Variants in WWP2 observed in about 807,000 individuals in gnomAD.
The protein encoded by WWP2 is NEDD4-like E3 ubiquitin-protein ligase WWP2.
Under a neutral mutation model 121.0 loss-of-function variants are expected in WWP2, and 57 were observed. The observed-to-expected ratio is 0.47, with a 90% CI of 0.38 to 0.59. The LOEUF (loss-of-function observed/expected upper bound fraction) is 0.59, where lower values mean the gene tolerates loss of function less well. Ranked by LOEUF, WWP2 falls within the 20% of genes least tolerant of loss-of-function variation. The pLI is 0.00. For synonymous variants in WWP2, 449 were observed against 441.3 expected (o/e 1.02, Z -0.22); for missense variants, 962 against 1,158.9 (o/e 0.83, Z 2.47).
At chr16:69,786,885 A>G (rs1597664457) in intron 1 of WWP2, 111 bp from the exon 2 acceptor site, 2 of 893,900 alleles carry the variant, frequency 2.2e-6, no homozygotes, top group East Asian at 2.5e-5. Flanking sequence ...AGTTGCTTGG[A>G]CGTTTCTATT....
chr16:69,865,526 A>T (rs2057505583), intron 6 of WWP2, among the ~76,000 whole-genome samples: 1 of 152,204 alleles, frequency 6.6e-6, no homozygotes, highest in Non-Finnish European at 1.5e-5. Flanking sequence ...GGGTACCATA[A>T]CCTGCAGGCA....
At chr16:69,802,556 A>G (rs1169160033) in intron 4 of WWP2, among the ~76,000 whole-genome samples, 1 of 150,924 alleles carries the variant, frequency 6.6e-6, no homozygotes, top group African/African-American at 2.4e-5. Context: ...AATGTCCTCA[A>G]GGCTTATTCA....
rs368952818 is a variant in WWP2, at chr16:69,916,186, GTGT to G, written c.1005-1500_1005-1498del. 2.9e-3 allele frequency among the ~76,000 whole-genome samples: 448 copies of G among 151,942 alleles called. 4 individuals are homozygous for G. The highest frequency in any genetic ancestry group is 9.2e-3 in the African/African-American group (380 of 41,478). ...CAAGGGCAATGGGGAGTCAATGGAAGTGTTGTTGTTGTTGTTGTTGTTGTTTGA... is the reference window on the plus strand; with the variant it reads ...CAAGGGCAATGGGGAGTCAATGGAAGTGTTGTTGTTGTTGTTGTTGTTTGA... On this transcript the variant is annotated intron_variant, in intron 9 of 23. Transcript: ENST00000359154.
chr16:69,905,913 G>A (rs2058283866), intron 8 of WWP2, among the ~76,000 whole-genome samples: 1 of 152,166 alleles, frequency 6.6e-6, no homozygotes, highest in Admixed American at 6.5e-5. Context: ...AGTTTCCTCA[G>A]TGGTGATGGT....
At chr16:69,809,142 G>A (rs1268403922) in intron 4 of WWP2, among the ~76,000 whole-genome samples, 1 of 152,220 alleles carries the variant, frequency 6.6e-6, no homozygotes, top group Non-Finnish European at 1.5e-5. Context: ...TGTGCATGTG[G>A]CTGGGTTGGG....
chr16:69,786,659 C>T (rs931947015), intron 1 of WWP2, among the ~76,000 whole-genome samples: 1 of 151,508 alleles, frequency 6.6e-6, no homozygotes, highest in Admixed American at 6.6e-5. Flanking sequence ...CCATGTTGGT[C>T]AGGCTGGTCT....
intron 19 of WWP2, 114 bp downstream of exon 19, chr16:69,936,566 A>C: frequency 6.9e-7 from 1 of 1,453,962 alleles, no homozygotes; most frequent in Non-Finnish European, 9.3e-7. Context: ...TGCCATTTGC[A>C]TTTGCCTTGA....
chr16:69,826,248 CAA>C (rs1424929982), intron 4 of WWP2, among the ~76,000 whole-genome samples: 13 of 120,852 alleles, frequency 1.1e-4, no homozygotes, highest in African/African-American at 4.3e-4. Context: ...GCCTGGGTGA[CAA>C]GAGTGAAACT....
At chr16:69,843,393 T>C (rs1171181577) in intron 6 of WWP2, among the ~76,000 whole-genome samples, 2 of 152,214 alleles carry the variant, frequency 1.3e-5, no homozygotes, top group South Asian at 2.1e-4. Flanking sequence ...AAAATAGTTC[T>C]AAGTATAAAG....
intron 16 of WWP2, among the ~76,000 whole-genome samples, chr16:69,932,395 CAG>C (rs1397171203): frequency 1.3e-5 from 2 of 152,264 alleles, no homozygotes; most frequent in Non-Finnish European, 2.9e-5. Context: ...GGGCCTGGAA[CAG>C]GGGCCTGGGG....
intron 7 of WWP2, among the ~76,000 whole-genome samples, chr16:69,878,405 T>A (rs998574496): frequency 1.3e-5 from 2 of 152,246 alleles, no homozygotes; most frequent in African/African-American, 4.8e-5. Context: ...AAGGTATGCC[T>A]GTATATAAAA....
chr16:69,888,648 C>T (rs2057971739), intron 8 of WWP2, among the ~76,000 whole-genome samples: 1 of 151,944 alleles, frequency 6.6e-6, no homozygotes, highest in African/African-American at 2.4e-5. Flanking sequence ...GTGAATATTG[C>T]TGTATGTTAT....
At chr16:69,843,019 G>A (rs550347908) in intron 6 of WWP2, among the ~76,000 whole-genome samples, 108 of 152,110 alleles carry the variant, frequency 7.1e-4, no homozygotes, top group African/African-American at 2.5e-3. Flanking sequence ...TTCTTAGAAG[G>A]GTCAGAGGCT....
chr16:69,903,793 A>C (rs576022664), intron 8 of WWP2, among the ~76,000 whole-genome samples: 1 of 152,076 alleles, frequency 6.6e-6, no homozygotes, highest in South Asian at 2.1e-4. Flanking sequence ...AAAGAAAGAA[A>C]AATGTGTTTA....
chr16:69,799,592 T>C lies in WWP2; in HGVS notation c.340+297T>C. The stretch of plus-strand genomic sequence containing the variant: ...CTGCTCCTCTTCCCGTTGCAGGAGA[T>C]GTGTGATATGTTGAATGAAACTGTC... On this transcript the variant is annotated intron_variant, in intron 4 of 23. Coordinates refer to ENST00000359154, the MANE Select transcript of WWP2 (RefSeq NM_001270454.2). The surrounding 1 kb of genome is among the most constrained non-coding windows in gnomAD (Gnocchi z 4.5). 1 of 318,010 alleles carries C rather than the reference T, an allele frequency of 3.1e-6. No homozygotes were observed. The highest frequency in any genetic ancestry group is 5.9e-6 in the Non-Finnish European group (1 of 169,824). 19.7% of individuals were successfully genotyped at this position (318,010 alleles called of 1,614,324 possible).
intron 10 of WWP2, among the ~76,000 whole-genome samples, chr16:69,919,490 A>T (rs1023412015): frequency 6.6e-6 from 1 of 151,954 alleles, no homozygotes; most frequent in Non-Finnish European, 1.5e-5. Flanking sequence ...TCTCGTCCAG[A>T]ATTGTGGGTG....
chr16:69,899,693 C>G (rs2058168034), intron 8 of WWP2, among the ~76,000 whole-genome samples: 1 of 139,750 alleles, frequency 7.2e-6, no homozygotes, highest in Admixed American at 7.7e-5. Context: ...TACCACTGCA[C>G]TCCAGCCTGG....
At chr16:69,779,998 T>C (rs1420983980) in intron 1 of WWP2, among the ~76,000 whole-genome samples, 1 of 152,212 alleles carries the variant, frequency 6.6e-6, no homozygotes, top group Non-Finnish European at 1.5e-5. Flanking sequence ...TTTGCCATAT[T>C]TGCCCCAGAA....
intron 10 of WWP2, chr16:69,924,964 C>T (rs1258981418): frequency 1.0e-6 from 1 of 987,800 alleles, no homozygotes; most frequent in African/African-American, 1.7e-5. Context: ...GGAATGATTT[C>T]ATTGGAAAGG....
Sources: allele counts gnomAD v4.1 joint callset (sites outside exome capture counted in the v4.1 genomes callset), GRCh38; gene constraint gnomAD v4.1.1; non-coding constraint Gnocchi (gnomAD v3.1); transcripts MANE v1.5; gene names NCBI Gene and HGNC (gene_info 2026-07-23, HGNC 2026-07-21).